FKTN: variants seen among roughly 807,000 people sequenced by gnomAD.
FKTN encodes fukutin.
FKTN carries 47 observed loss-of-function variants against 58.6 expected under a neutral mutation model. The ratio of observed to expected loss-of-function variants is 0.80; its 90% confidence interval spans 0.63 to 1.02. The LOEUF (loss-of-function observed/expected upper bound fraction) is 1.02, where lower values mean the gene tolerates loss of function less well. Among genes scored for constraint, FKTN ranks in the 50% least tolerant of loss-of-function variants. FKTN has a pLI of 0.00. For missense variants in FKTN, 516 were observed against 537.3 expected, an observed-to-expected ratio of 0.96 and a Z score of 0.39; for synonymous variants, 178 against 191.9, an observed-to-expected ratio of 0.93 and a Z score of 0.60.
At chr9:105,577,675 C>T (rs1842001415) in intron 3 of FKTN, among the ~76,000 whole-genome samples, 1 of 151,134 alleles carries the variant, frequency 6.6e-6, no homozygotes, top group South Asian at 2.1e-4. Flanking sequence ...TCCCTATGAA[C>T]TTTAAAGTAG....
intron 10 of FKTN, among the ~76,000 whole-genome samples, chr9:105,628,031 G>A (rs968063695): frequency 3.3e-5 from 5 of 152,190 alleles, no homozygotes; most frequent in African/African-American, 1.2e-4. Context: ...TTCACAAGAA[G>A]TTAAAAGACT....
At chr9:105,570,464 G>A (rs1199567121) in intron 1 of FKTN, among the ~76,000 whole-genome samples, 2 of 152,114 alleles carry the variant, frequency 1.3e-5, no homozygotes, top group Admixed American at 6.5e-5. Context: ...ATTTATCTCT[G>A]ATAGAGTCCA....
intron 1 of FKTN, among the ~76,000 whole-genome samples, chr9:105,561,395 T>A (rs1018813570): frequency 2.2e-4 from 34 of 152,114 alleles, no homozygotes; most frequent in Non-Finnish European, 4.4e-4. Flanking sequence ...TTTAAAGTTT[T>A]AAAAAAAACT....
intron 1 of FKTN, among the ~76,000 whole-genome samples, chr9:105,562,414 A>C (rs1393559901): frequency 6.6e-6 from 1 of 152,232 alleles, no homozygotes; most frequent in Non-Finnish European, 1.5e-5. Context: ...TGGTTGGGTC[A>C]TGAGTCACTA....
intron 5 of FKTN, 85 bp from the exon 6 acceptor site, chr9:105,604,130 A>T: frequency 7.4e-7 from 1 of 1,359,794 alleles, no homozygotes. Context: ...TATAAGAATC[A>T]CTTTAGTTTT....
chr9:105,563,571 G>A (rs1838729580), intron 1 of FKTN, among the ~76,000 whole-genome samples: 1 of 150,996 alleles, frequency 6.6e-6, no homozygotes, highest in South Asian at 2.1e-4. Context: ...AGCAGTCTGA[G>A]ATTGAACTGC....
chr9:105,593,597 T>C (rs888760260), intron 3 of FKTN, among the ~76,000 whole-genome samples: 9 of 151,992 alleles, frequency 5.9e-5, no homozygotes, highest in East Asian at 1.9e-4. Flanking sequence ...GAAGTGAATA[T>C]AGATTTTTAA....
At chr9:105,624,542 G>A (rs1832510686) in intron 10 of FKTN, 1 of 149,192 alleles carries the variant, frequency 6.7e-6, no homozygotes, top group Non-Finnish European at 1.5e-5. Context: ...GAGACGGTAG[G>A]ATCACCTGAG....
rs149271867 is a variant in FKTN, at chr9:105,608,334, A to C, written c.780+383A>C. On this transcript the variant is annotated intron_variant, in intron 7 of 10. Transcript: ENST00000357998. Reference sequence around the variant, plus strand: ...TTTAGAAAAGACTTCATGAAAATACAGTTTGTTTCAGAGTTGGCATTGAAT... The same window carrying C: ...TTTAGAAAAGACTTCATGAAAATACCGTTTGTTTCAGAGTTGGCATTGAAT... Among the ~76,000 whole-genome samples, 106 of 152,326 alleles carry C rather than the reference A, an allele frequency of 7.0e-4. 1 individual carries two copies. The highest frequency in any genetic ancestry group is 2.5e-3 in the African/African-American group (105 of 41,586).
At chr9:105,618,763 C>T (rs1831282323) in intron 9 of FKTN, among the ~76,000 whole-genome samples, 1 of 152,110 alleles carries the variant, frequency 6.6e-6, no homozygotes, top group Non-Finnish European at 1.5e-5. Flanking sequence ...TGTTACCCTA[C>T]AAGCAAGTAA....
chr9:105,610,804 T>G (rs867416446), intron 7 of FKTN, among the ~76,000 whole-genome samples: 1 of 152,174 alleles, frequency 6.6e-6, no homozygotes, highest in Middle Eastern at 3.4e-3. Flanking sequence ...CAAAAACCTT[T>G]CTTGCTCTGC....
rs76173212 is a variant in FKTN, at chr9:105,582,538, C to T, written c.105+7401C>T. ...TAACAGAGATGTGAAATAATTTACC[C>T]ATACAAACCACCCAATATCTAATGT... is the stretch of plus-strand genomic sequence containing the variant. On this transcript the variant is annotated intron_variant, in intron 3 of 10. Transcript: ENST00000357998. Among the ~76,000 whole-genome samples, 1,375 of 152,220 alleles carry T rather than the reference C, an allele frequency of 9.0e-3. 20 individuals are homozygous for T. The highest frequency in any genetic ancestry group is 0.032 in the African/African-American group (1,318 of 41,518).
At chr9:105,627,464 A>G (rs1358548405) in intron 10 of FKTN, among the ~76,000 whole-genome samples, 2 of 152,192 alleles carry the variant, frequency 1.3e-5, no homozygotes, top group African/African-American at 4.8e-5. Flanking sequence ...TAAAGATCAA[A>G]TTTAGACTCT....
intron 6 of FKTN, 67 bp from the exon 7 acceptor site, chr9:105,607,752 T>C: frequency 7.2e-7 from 1 of 1,394,916 alleles, no homozygotes; most frequent in East Asian, 2.3e-5. Context: ...CATTAGGTAT[T>C]TGTCCTAATG....
At chr9:105,615,439 C>T (rs1196716723) in intron 8 of FKTN, 32 bp downstream of exon 8, 2 of 1,611,262 alleles carry the variant, frequency 1.2e-6, no homozygotes, top group Non-Finnish European at 1.7e-6. Context: ...ATTTGTCTTT[C>T]TGTCATTTTG....
chr9:105,615,097 C>T (rs1012206608), intron 7 of FKTN, among the ~76,000 whole-genome samples, 181 bp from the exon 8 acceptor site: 4 of 152,098 alleles, frequency 2.6e-5, no homozygotes, highest in Admixed American at 2.6e-4. Context: ...TGGGCCAGGC[C>T]AGTTTTGAAC....
intron 1 of FKTN, among the ~76,000 whole-genome samples, chr9:105,569,731 A>T (rs1451528096): frequency 1.3e-5 from 2 of 152,172 alleles, no homozygotes; most frequent in African/African-American, 2.4e-5. Context: ...TAATCTTCTC[A>T]TATTTGCATT....
chr9:105,562,026 C>A (rs913392411), intron 1 of FKTN, among the ~76,000 whole-genome samples: 3 of 151,990 alleles, frequency 2.0e-5, no homozygotes, highest in African/African-American at 7.2e-5. Context: ...ATACCTTTTC[C>A]TAATTACACT....
Position 105,636,707 on chromosome 9 carries a change from A to G in FKTN, c.*1443A>G. The G allele has an allele frequency of 6.2e-6, 8 of 1,298,150 alleles. No individual in the cohort carries two copies. The highest frequency in any genetic ancestry group is 8.1e-6 in the Non-Finnish European group (8 of 984,466). 80.4% of individuals were successfully genotyped at this position (1,298,150 alleles called of 1,614,324 possible). ...CTGAATCTTATATCTTATCTATGCT[A>G]TTTAGGACTACTTTCTGGAGCTTGG... On this transcript the variant is annotated 3_prime_UTR_variant, in exon 11 of 11. Coordinates refer to ENST00000357998, the MANE Select transcript of FKTN (RefSeq NM_001079802.2).
Sources: allele counts gnomAD v4.1 joint callset (sites outside exome capture counted in the v4.1 genomes callset), GRCh38; gene constraint gnomAD v4.1.1; transcripts MANE v1.5; gene names NCBI Gene and HGNC (gene_info 2026-07-23, HGNC 2026-07-21).